Variants in MARCHF10 observed in about 807,000 individuals in gnomAD.
MARCHF10 encodes the protein membrane associated ring-CH-type finger 10.
In MARCHF10, 64 loss-of-function variants were observed where a neutral mutation model predicts 76.2. That is an observed-to-expected ratio of 0.84 (90% CI 0.69 to 1.03). The LOEUF is 1.03. MARCHF10 is among the 50% of genes least tolerant of loss of function. MARCHF10 has a pLI of 0.00. For missense variants in MARCHF10, 875 were observed against 958.0 expected, an observed-to-expected ratio of 0.91 and a Z score of 1.14; for synonymous variants, 340 against 357.5, an observed-to-expected ratio of 0.95 and a Z score of 0.55.
intron 4 of MARCHF10, among the ~76,000 whole-genome samples, chr17:62,745,038 C>CATG (rs2091654791): frequency 6.7e-6 from 1 of 149,442 alleles, no homozygotes; most frequent in Non-Finnish European, 1.5e-5. Flanking sequence ...CATAAGCACC[C>CATG]ATGATGCCTG....
chr17:62,719,664 G>A (rs181197260), intron 8 of MARCHF10, among the ~76,000 whole-genome samples: 13 of 151,672 alleles, frequency 8.6e-5, no homozygotes, highest in East Asian at 3.9e-4. Flanking sequence ...TATCTTGTTC[G>A]GTGTTCTCTG....
chr17:62,736,404 G>A lies in MARCHF10; in HGVS notation c.1464C>T (p.Asp488=), dbSNP rs115042182. The part of the protein sequence containing the change: ...HSALRDDIPV[D]LSMSSTSVHS... Reference sequence around the variant, plus strand: ...GAACTGAAGTCGATGACATTGACAAGTCTACTGGAATATCATCTCTCAGAG... The same window carrying A: ...GAACTGAAGTCGATGACATTGACAAATCTACTGGAATATCATCTCTCAGAG... Residue 488 remains aspartate, a synonymous_variant, in exon 6 of 11, where the codon GAC becomes GAT. Coordinates refer to ENST00000311269, the MANE Select transcript of MARCHF10 (RefSeq NM_152598.4). The A allele has an allele frequency of 9.8e-4, 1,584 of 1,614,128 alleles. 8 individuals are homozygous for A. The African/African-American group carries it at 0.014, about 14-fold the overall frequency.
At chr17:62,758,230 T>C (rs191593220) in intron 4 of MARCHF10, among the ~76,000 whole-genome samples, 24 of 152,214 alleles carry the variant, frequency 1.6e-4, no homozygotes, top group African/African-American at 5.3e-4. Flanking sequence ...TGAAACCCTG[T>C]CTCTACTAAA....
chr17:62,798,442 T>TAAAAA (rs76893795), intron 2 of MARCHF10, among the ~76,000 whole-genome samples: 27 of 86,436 alleles, frequency 3.1e-4, no homozygotes, highest in Middle Eastern at 5.3e-3. Flanking sequence ...TGGGAAACAT[T>TAAAAA]AAAAAAAAAA....
At chr17:62,748,503 G>A (rs939348333) in intron 4 of MARCHF10, among the ~76,000 whole-genome samples, 44 of 152,164 alleles carry the variant, frequency 2.9e-4, no homozygotes, top group Admixed American at 2.7e-3. Context: ...TTGGGAGGCC[G>A]AGGCAGGAAG....
chr17:62,753,955 C>T (rs1052298212), intron 4 of MARCHF10, among the ~76,000 whole-genome samples: 1 of 152,110 alleles, frequency 6.6e-6, no homozygotes, highest in Non-Finnish European at 1.5e-5. Flanking sequence ...TATCATACAC[C>T]CTGGGACGTG....
chr17:62,702,687 AAAAAG>A, intron 10 of MARCHF10, among the ~76,000 whole-genome samples: 1 of 152,194 alleles, frequency 6.6e-6, no homozygotes, highest in East Asian at 1.9e-4. Context: ...TAAAAAAAGA[AAAAAG>A]AAAAGAAAGA....
chr17:62,791,836 G>T (rs1184735287), intron 2 of MARCHF10, among the ~76,000 whole-genome samples: 1 of 151,896 alleles, frequency 6.6e-6, no homozygotes, highest in Non-Finnish European at 1.5e-5. Flanking sequence ...TTTGTGCGGG[G>T]CGGGTGGGGG....
intron 3 of MARCHF10, among the ~76,000 whole-genome samples, chr17:62,779,150 G>A (rs1331008432): frequency 2.0e-5 from 3 of 152,144 alleles, no homozygotes; most frequent in Non-Finnish European, 4.4e-5. Context: ...AGAGTCAAGA[G>A]GGCGGCTGTG....
At chr17:62,783,058 A>T (rs1261411906) in intron 3 of MARCHF10, among the ~76,000 whole-genome samples, 2 of 152,156 alleles carry the variant, frequency 1.3e-5, no homozygotes, top group African/African-American at 4.8e-5. Context: ...TCAGGGCTCA[A>T]ACACTTGGGA....
In MARCHF10 at chr17:62,736,603, C is replaced by T. The variant is rs150345551; in HGVS notation, c.1265G>A (p.Ser422Asn). The change falls in exon 6 of 11, where the codon AGT (serine) becomes AAT (asparagine). Residue 422 changes from serine to asparagine, a missense_variant. Transcript: ENST00000311269. Reference protein sequence around the residue: ...EVGVNAENVWSDCISVEHRPG... With the variant: ...EVGVNAENVWNDCISVEHRPG... ...CCTATGTTCCACAGAAATACAATCACTCCATACATTTTCAGCATTGACACC... is the reference window on the plus strand; with the variant it reads ...CCTATGTTCCACAGAAATACAATCATTCCATACATTTTCAGCATTGACACC... 7.4e-6 allele frequency: 12 copies of T among 1,614,202 alleles called. No homozygotes were observed. Among genetic ancestry groups the T allele is most frequent in the Middle Eastern group, 1.6e-4 (1 of 6,062 alleles).
rs532280278 is a variant in MARCHF10 at position 62,709,977 on chromosome 17, T to C, written c.2328+1254A>G. On this transcript the variant is annotated intron_variant, in intron 9 of 10. Transcript: ENST00000311269. ...ATGTGAGCTTGTGGTGAGAGAAGAG[T>C]GTCCCTGGTCCCTCCTGCTGCTTTT... Among the ~76,000 whole-genome samples the C allele has an allele frequency of 1.4e-4, 21 of 152,272 alleles. No homozygotes were observed. In the South Asian group the frequency reaches 4.2e-3, roughly 30 times the overall value.
intron 4 of MARCHF10, among the ~76,000 whole-genome samples, chr17:62,748,760 C>T (rs2091796771): frequency 6.6e-6 from 1 of 152,070 alleles, no homozygotes; most frequent in Non-Finnish European, 1.5e-5. Flanking sequence ...AGTTTCGAAC[C>T]CTCAATTTGT....
chr17:62,784,787 G>T (rs946410989), intron 3 of MARCHF10, among the ~76,000 whole-genome samples: 6 of 152,076 alleles, frequency 3.9e-5, no homozygotes, highest in African/African-American at 1.4e-4. Flanking sequence ...GCTACAAAGA[G>T]AATAAAATAC....
Position 62,808,172 on chromosome 17 carries a change from GC to G in MARCHF10, c.-114del, listed in dbSNP as rs904185706. 1.3e-5 allele frequency: 2 copies of G among 152,750 alleles called. No homozygotes were observed. The highest frequency in any genetic ancestry group is 4.8e-5 in the African/African-American group (2 of 41,468). The allele number at this position is 152,750 out of a possible 1,614,324, so 9.5% of individuals were successfully genotyped here. A position where few individuals can be genotyped will look rare whatever the true frequency, so the allele number is the denominator to read the frequency against. The stretch of plus-strand genomic sequence containing the variant: ...GGCGCAGGAGCCGCCCATTAATTGC[GC>G]GGGGACGGCCCTGAGCTCCTCTTCC... On this transcript the variant is annotated 5_prime_UTR_variant, in exon 1 of 11. Coordinates refer to ENST00000311269, the MANE Select transcript of MARCHF10 (RefSeq NM_152598.4).
intron 3 of MARCHF10, among the ~76,000 whole-genome samples, chr17:62,764,938 C>T (rs1246908879): frequency 6.6e-6 from 1 of 152,188 alleles, no homozygotes; most frequent in Admixed American, 6.5e-5. Context: ...GTACCACCCA[C>T]CTGAATCAAA....
intron 3 of MARCHF10, among the ~76,000 whole-genome samples, chr17:62,782,806 A>T (rs1419637734): frequency 6.6e-6 from 1 of 152,150 alleles, no homozygotes; most frequent in East Asian, 1.9e-4. Context: ...CAAAGGATTG[A>T]GCCAGGCAGG....
chr17:62,802,301 C>A (rs2093087387), intron 1 of MARCHF10, among the ~76,000 whole-genome samples: 1 of 152,064 alleles, frequency 6.6e-6, no homozygotes, highest in South Asian at 2.1e-4. Context: ...CTCACTGCAA[C>A]CTCCGCCTCC....
At position 62,744,430 on chromosome 17, in the gene MARCHF10, T is replaced by C; in HGVS notation, c.481A>G (p.Arg161Gly). 1 of 1,614,226 alleles carries C rather than the reference T, an allele frequency of 6.2e-7. No homozygotes were observed. Among genetic ancestry groups the C allele is most frequent in the South Asian group, 1.1e-5 (1 of 91,074 alleles). The change falls in exon 5 of 11, where the codon AGA becomes GGA. Residue 161 changes from arginine (R) to glycine (G), a missense_variant. Physicochemically the swap from Arg to Gly is moderately radical, Grantham distance 125. Coordinates refer to ENST00000311269, the MANE Select transcript of MARCHF10 (RefSeq NM_152598.4). ...ESHSPRASGD[R>G]SRQKQQWPAK... The stretch of plus-strand genomic sequence containing the variant: ...GGCCACTGCTGTTTCTGTCTGCTTC[T>C]GTCCCCAGATGCTCTCGGGCTGTGC...
Sources: allele counts gnomAD v4.1 joint callset (sites outside exome capture counted in the v4.1 genomes callset), GRCh38; gene constraint gnomAD v4.1.1; transcripts MANE v1.5; gene names NCBI Gene and HGNC (gene_info 2026-07-23, HGNC 2026-07-21).